Variants in CAMKMT observed in about 807,000 individuals in gnomAD.
CAMKMT encodes calmodulin-lysine N-methyltransferase.
Under a neutral mutation model 48.0 loss-of-function variants are expected in CAMKMT, and 53 were observed. The ratio of observed to expected loss-of-function variants is 1.10; its 90% CI spans 0.89 to 1.39. The LOEUF is 1.39. Ranked by LOEUF, CAMKMT falls within the 40% of genes most tolerant of loss-of-function variation. The pLI, the probability that CAMKMT is intolerant of heterozygous loss-of-function variation, is 0.00. For missense variants in CAMKMT, 428 were observed against 402.7 expected, an observed-to-expected ratio of 1.06 and a Z score of -0.54; for synonymous variants, 165 against 152.3, an observed-to-expected ratio of 1.08 and a Z score of -0.61.
At chr2:44,449,803 C>G (rs937432458) in intron 3 of CAMKMT, among the ~76,000 whole-genome samples, 4 of 152,044 alleles carry the variant, frequency 2.6e-5, no homozygotes, top group African/African-American at 4.8e-5. Flanking sequence ...ATTTTACGTT[C>G]CTTAGTAAAT....
intron 3 of CAMKMT, among the ~76,000 whole-genome samples, chr2:44,478,500 G>A (rs979493409): frequency 1.3e-5 from 2 of 152,038 alleles, no homozygotes; most frequent in Non-Finnish European, 2.9e-5. Context: ...CTTTACCTTG[G>A]CTTCTGAATA....
At chr2:44,375,309 GA>G (rs1320813529) in intron 2 of CAMKMT, among the ~76,000 whole-genome samples, 5 of 149,218 alleles carry the variant, frequency 3.4e-5, no homozygotes, top group Non-Finnish European at 4.5e-5. Context: ...AATGATGATT[GA>G]AAAAAAAGGG....
At chr2:44,417,829 G>A (rs1452704294) in intron 3 of CAMKMT, among the ~76,000 whole-genome samples, 1 of 152,058 alleles carries the variant, frequency 6.6e-6, no homozygotes, top group Admixed American at 6.6e-5. Context: ...TGTGCTTATT[G>A]GTCATTCATA....
chr2:44,602,478 T>G (rs904265370), intron 3 of CAMKMT, among the ~76,000 whole-genome samples: 2 of 152,108 alleles, frequency 1.3e-5, no homozygotes, highest in Non-Finnish European at 2.9e-5. Context: ...CATTTAGATT[T>G]TACAACTAAC....
At chr2:44,673,485 G>A (rs1219845934) in intron 3 of CAMKMT, among the ~76,000 whole-genome samples, 10 of 128,938 alleles carry the variant, frequency 7.8e-5, no homozygotes, top group African/African-American at 3.1e-4. Context: ...AAGGAAGGAA[G>A]GAAGGAAGGA....
At chr2:44,608,465 CATGTA>C (rs1349256439) in intron 3 of CAMKMT, among the ~76,000 whole-genome samples, 2 of 152,256 alleles carry the variant, frequency 1.3e-5, no homozygotes, top group South Asian at 2.1e-4. Flanking sequence ...CATTTCAATA[CATGTA>C]ATGTATAGTA....
chr2:44,586,321 G>GTA (rs150949922), intron 3 of CAMKMT, among the ~76,000 whole-genome samples: 3,916 of 149,868 alleles, frequency 0.026, 121 homozygotes, highest in African/African-American at 0.072. Flanking sequence ...TTTAACATAT[G>GTA]TATATATATA....
intron 3 of CAMKMT, among the ~76,000 whole-genome samples, chr2:44,702,399 T>C (rs530049836): frequency 1.9e-4 from 29 of 152,280 alleles, no homozygotes; most frequent in Admixed American, 1.8e-3. Flanking sequence ...TGCTGGAGAA[T>C]AACATTAACA....
chr2:44,582,404 A>G (rs533987768), intron 3 of CAMKMT, among the ~76,000 whole-genome samples: 1 of 152,354 alleles, frequency 6.6e-6, no homozygotes, highest in African/African-American at 2.4e-5. Flanking sequence ...AGATGAAGCG[A>G]TACTTAAACA....
chr2:44,705,067 T>A (rs886882291), intron 4 of CAMKMT, among the ~76,000 whole-genome samples: 2 of 152,188 alleles, frequency 1.3e-5, no homozygotes, highest in African/African-American at 4.8e-5. Flanking sequence ...CTCATTATGA[T>A]AGCAGATAAG....
intron 3 of CAMKMT, among the ~76,000 whole-genome samples, chr2:44,511,722 T>C (rs1467831887): frequency 6.6e-6 from 1 of 152,204 alleles, no homozygotes; most frequent in South Asian, 2.1e-4. Context: ...CCTAAAACCA[T>C]CTGGGGCTCT....
chr2:44,678,650 TTAG>T (rs1263289318), intron 3 of CAMKMT, among the ~76,000 whole-genome samples: 1 of 152,226 alleles, frequency 6.6e-6, no homozygotes, highest in African/African-American at 2.4e-5. Flanking sequence ...AATGGATAAC[TTAG>T]TAGTTCAGAA....
chr2:44,766,069 A>G (rs1285896712), intron 9 of CAMKMT, among the ~76,000 whole-genome samples: 2 of 152,224 alleles, frequency 1.3e-5, no homozygotes, highest in African/African-American at 2.4e-5. Context: ...AGGAGTCACA[A>G]GGTGAATGGC....
At chr2:44,425,008 C>T (rs915309622) in intron 3 of CAMKMT, among the ~76,000 whole-genome samples, 2 of 152,096 alleles carry the variant, frequency 1.3e-5, no homozygotes, top group Non-Finnish European at 1.5e-5. Context: ...CAAAAAAGTA[C>T]CCGTTTTGAT....
chr2:44,476,449 T>A (rs1668693763), intron 3 of CAMKMT, among the ~76,000 whole-genome samples: 1 of 152,132 alleles, frequency 6.6e-6, no homozygotes, highest in Admixed American at 6.6e-5. Context: ...AGCTCCTGAG[T>A]CCTTTTCTTG....
At chr2:44,544,804 A>G (rs919594904) in intron 3 of CAMKMT, among the ~76,000 whole-genome samples, 2 of 152,202 alleles carry the variant, frequency 1.3e-5, no homozygotes, top group Non-Finnish European at 2.9e-5. Context: ...GCCTTTTCTT[A>G]TCAGAGGAAA....
chr2:44,623,408 T>C (rs1428065678), intron 3 of CAMKMT, among the ~76,000 whole-genome samples: 2 of 152,202 alleles, frequency 1.3e-5, no homozygotes, highest in Non-Finnish European at 2.9e-5. Flanking sequence ...CCAAGGCTGA[T>C]ACAGAGGAGG....
chr2:44,573,998 T>G (rs1442305601), intron 3 of CAMKMT, among the ~76,000 whole-genome samples: 3 of 152,218 alleles, frequency 2.0e-5, no homozygotes, highest in Non-Finnish European at 4.4e-5. Flanking sequence ...CTGTAAATTT[T>G]TTCTTGAGTG....
intron 3 of CAMKMT, among the ~76,000 whole-genome samples, chr2:44,442,221 T>C (rs541472194): frequency 9.8e-4 from 150 of 152,298 alleles, no homozygotes; most frequent in African/African-American, 3.4e-3. Context: ...CTCAGTTCTT[T>C]CATTTGCCTT....
Sources: gnomAD v4.1 joint callset for allele counts (sites outside exome capture counted in the v4.1 genomes callset) on GRCh38, gnomAD v4.1.1 for gene constraint, MANE v1.5 for transcripts, NCBI Gene and HGNC (gene_info 2026-07-23, HGNC 2026-07-21) for gene names.